The following CCBE1 variants were observed in gnomAD, a reference collection of about 807,000 sequenced individuals.
CCBE1 encodes collagen and calcium-binding EGF domain-containing protein 1.
Under a neutral mutation model 50.0 loss-of-function variants are expected in CCBE1, and 37 were observed. The ratio of observed to expected loss-of-function variants is 0.74; its 90% CI spans 0.57 to 0.97. The LOEUF is 0.97. Among genes scored for constraint, CCBE1 ranks in the 50% least tolerant of loss-of-function variants. CCBE1 has a pLI of 0.00. For missense variants in CCBE1, 538 were observed against 523.8 expected (o/e 1.03, Z -0.26); for synonymous variants, 234 against 203.7 (o/e 1.15, Z -1.27).
intron 5 of CCBE1, among the ~76,000 whole-genome samples, chr18:59,461,572 G>T (rs1189055251): frequency 6.6e-6 from 1 of 152,062 alleles, no homozygotes; most frequent in African/African-American, 2.4e-5. Context: ...AAATTCAGTG[G>T]AGACAAATTA....
At chr18:59,646,017 G>A (rs1324638202) in intron 2 of CCBE1, among the ~76,000 whole-genome samples, 5 of 151,448 alleles carry the variant, frequency 3.3e-5, no homozygotes, top group Non-Finnish European at 5.9e-5. Context: ...CTGGGTGACA[G>A]AGCAAGACTC....
intron 2 of CCBE1, among the ~76,000 whole-genome samples, chr18:59,493,254 G>A (rs937146678): frequency 6.6e-6 from 1 of 152,178 alleles, no homozygotes; most frequent in Non-Finnish European, 1.5e-5. Flanking sequence ...TTCCTCACAT[G>A]CATAAAATCC....
Position 59,594,488 on chromosome 18 carries a change from C to T in CCBE1, c.212+102141G>A, listed in dbSNP as rs142220040. On this transcript the variant is annotated intron_variant, in intron 2 of 10. Coordinates refer to ENST00000439986, the MANE Select transcript of CCBE1 (RefSeq NM_133459.4). ...AGATGGATGATGATTGATGGTTGCA[C>T]GCGTACTTAATGCCAGTGAACTGCT... Among the ~76,000 whole-genome samples the T allele has an allele frequency of 2.1e-3, 324 of 152,266 alleles. 4 individuals carry two copies. The East Asian group carries it at 0.032, about 15-fold the overall frequency.
intron 3 of CCBE1, among the ~76,000 whole-genome samples, chr18:59,479,234 C>T (rs1017918535): frequency 1.3e-5 from 2 of 152,164 alleles, no homozygotes; most frequent in African/African-American, 2.4e-5. Context: ...ATAGTCTTTA[C>T]TGCTTTCTGT....
chr18:59,450,365 T>TAG (rs1410225960), intron 6 of CCBE1, among the ~76,000 whole-genome samples: 2 of 152,156 alleles, frequency 1.3e-5, no homozygotes, highest in Non-Finnish European at 2.9e-5. Flanking sequence ...CCTTAGGCAG[T>TAG]AGGTATTAAT....
At chr18:59,544,048 T>C (rs1915588480) in intron 2 of CCBE1, among the ~76,000 whole-genome samples, 1 of 152,170 alleles carries the variant, frequency 6.6e-6, no homozygotes, top group Non-Finnish European at 1.5e-5. Flanking sequence ...CCTTAGAAAG[T>C]AAAATATTAA....
At chr18:59,475,724 A>G (rs1221257397) in intron 3 of CCBE1, among the ~76,000 whole-genome samples, 1 of 144,200 alleles carries the variant, frequency 6.9e-6, no homozygotes, top group Non-Finnish European at 1.6e-5. Context: ...TTTATTATTT[A>G]TTTATTTTTT....
chr18:59,518,314 C>A (rs998884294), intron 2 of CCBE1, among the ~76,000 whole-genome samples: 10 of 152,124 alleles, frequency 6.6e-5, no homozygotes, highest in South Asian at 2.1e-4. Flanking sequence ...CCTGGTGAAA[C>A]CCCATCTCTA....
chr18:59,480,267 A>G, intron 2 of CCBE1, 29 bp from the exon 3 acceptor site: 1 of 1,441,638 alleles, frequency 6.9e-7, no homozygotes, highest in Non-Finnish European at 9.7e-7. Context: ...TTTAAAATAT[A>G]ATAATTAGGC....
At chr18:59,447,185 A>T (rs1910712790) in intron 7 of CCBE1, among the ~76,000 whole-genome samples, 1 of 152,200 alleles carries the variant, frequency 6.6e-6, no homozygotes, top group Non-Finnish European at 1.5e-5. Context: ...GAATTTCTTT[A>T]TACACACATA....
chr18:59,473,840 C>T (rs1009768944), intron 3 of CCBE1, among the ~76,000 whole-genome samples: 77 of 21,976 alleles, frequency 3.5e-3, no homozygotes, highest in Non-Finnish European at 5.2e-3. Context: ...CCTTCCAACC[C>T]TCCCACTATT....
At chr18:59,635,690 T>C (rs991955131) in intron 2 of CCBE1, among the ~76,000 whole-genome samples, 2 of 151,064 alleles carry the variant, frequency 1.3e-5, no homozygotes, top group African/African-American at 4.9e-5. Flanking sequence ...TATCTGCAAA[T>C]GGAATGTCTA....
chr18:59,602,028 G>A (rs552240735), intron 2 of CCBE1, among the ~76,000 whole-genome samples: 1 of 149,872 alleles, frequency 6.7e-6, no homozygotes, highest in South Asian at 2.1e-4. Flanking sequence ...AGCAAGACTG[G>A]AGTAAGAAAT....
intron 2 of CCBE1, among the ~76,000 whole-genome samples, chr18:59,496,797 C>G (rs953668409): frequency 2.2e-4 from 33 of 152,184 alleles, no homozygotes; most frequent in African/African-American, 7.2e-4. Context: ...TGTATCCCTG[C>G]TGAGTGGTCA....
At chr18:59,665,582 G>A (rs933252849) in intron 2 of CCBE1, among the ~76,000 whole-genome samples, 7 of 152,072 alleles carry the variant, frequency 4.6e-5, no homozygotes, top group African/African-American at 7.2e-5. Context: ...CACTGCTCCC[G>A]GAAACAACTG....
intron 2 of CCBE1, among the ~76,000 whole-genome samples, chr18:59,503,003 A>G (rs1210224464): frequency 6.6e-6 from 1 of 152,246 alleles, no homozygotes; most frequent in African/African-American, 2.4e-5. Flanking sequence ...GCTGTCTCCT[A>G]TTCAAAGACA....
chr18:59,438,029 T>C, intron 10 of CCBE1, 82 bp downstream of exon 10: 2 of 1,449,698 alleles, frequency 1.4e-6, no homozygotes, highest in Non-Finnish European at 1.9e-6. Flanking sequence ...GGGCTTTTGC[T>C]ACTAGACCAA....
At chr18:59,455,300 T>C (rs1367188584) in intron 5 of CCBE1, 2 of 384,088 alleles carry the variant, frequency 5.2e-6, no homozygotes, top group Non-Finnish European at 1.0e-5. Flanking sequence ...TGATTTATAC[T>C]CCCCTTAAAG....
At chr18:59,456,973 C>A (rs1381119309) in intron 5 of CCBE1, among the ~76,000 whole-genome samples, 1 of 152,192 alleles carries the variant, frequency 6.6e-6, no homozygotes, top group Non-Finnish European at 1.5e-5. Flanking sequence ...ATTTCTCAAG[C>A]CAGCAGGTTG....
Sources: allele counts gnomAD v4.1 joint callset (sites outside exome capture counted in the v4.1 genomes callset), GRCh38; gene constraint gnomAD v4.1.1; transcripts MANE v1.5; gene names NCBI Gene and HGNC (gene_info 2026-07-23, HGNC 2026-07-21).